GALNT13: variants seen among roughly 807,000 people sequenced by gnomAD.
GALNT13 encodes the protein polypeptide N-acetylgalactosaminyltransferase 13, also known as UDP-GalNAc:polypeptide N-acetylgalactosaminyltransferase 13.
A neutral mutation model predicts 64.2 loss-of-function variants in GALNT13; 28 were observed. That is an observed-to-expected ratio of 0.44 (90% CI 0.32 to 0.60). The LOEUF (loss-of-function observed/expected upper bound fraction) is 0.60. Among genes scored for constraint, GALNT13 ranks in the 20% least tolerant of loss-of-function variants. The pLI, the probability that GALNT13 is intolerant of heterozygous loss-of-function variation, is 0.05. For missense variants in GALNT13, 577 were observed against 669.8 expected (o/e 0.86, Z 1.53); for synonymous variants, 214 against 224.6 (o/e 0.95, Z 0.42).
At chr2:154,369,099 C>G (rs1448444613) in intron 9 of GALNT13, among the ~76,000 whole-genome samples, 1 of 150,374 alleles carries the variant, frequency 6.7e-6, no homozygotes, top group African/African-American at 2.4e-5. Flanking sequence ...AAGTACAATT[C>G]TGGAAAAAAA....
intron 9 of GALNT13, among the ~76,000 whole-genome samples, chr2:154,331,299 T>G (rs1695154888): frequency 6.6e-6 from 1 of 152,028 alleles, no homozygotes. Context: ...TTTTTAACTG[T>G]TCCCCTATGT....
At chr2:153,346,037 C>A in the GALNT13 span, among the ~76,000 whole-genome samples, 1 of 151,980 alleles carries the variant, frequency 6.6e-6, no homozygotes, top group Non-Finnish European at 1.5e-5. Flanking sequence ...TGCAGTGGCG[C>A]GATCTCGGCT....
At chr2:153,958,589 A>T (rs757776826) in intron 3 of GALNT13, among the ~76,000 whole-genome samples, 41 of 152,116 alleles carry the variant, frequency 2.7e-4, no homozygotes, top group Non-Finnish European at 4.6e-4. Context: ...GTCCTCTGGG[A>T]TGCTTGCTGT....
chr2:153,754,836 A>G, the GALNT13 span, among the ~76,000 whole-genome samples: 1 of 152,136 alleles, frequency 6.6e-6, no homozygotes, highest in Non-Finnish European at 1.5e-5. Flanking sequence ...CACAATGGCA[A>G]GGCTTTCAGG....
At chr2:154,181,728 A>G (rs1158903749) in intron 4 of GALNT13, among the ~76,000 whole-genome samples, 1 of 152,082 alleles carries the variant, frequency 6.6e-6, no homozygotes, top group Admixed American at 6.6e-5. Flanking sequence ...ACCTTTACAT[A>G]TCTCTTACAG....
intron 8 of GALNT13, among the ~76,000 whole-genome samples, chr2:154,265,140 TA>T (rs1193012064): frequency 6.6e-6 from 1 of 151,868 alleles, no homozygotes; most frequent in Non-Finnish European, 1.5e-5. Context: ...TACAGATGGC[TA>T]AAAGGATTGG....
At chr2:153,158,897 TG>T in the GALNT13 span, 2 of 152,386 alleles carry the variant, frequency 1.3e-5, no homozygotes, top group African/African-American at 4.8e-5. Flanking sequence ...TTAGTAGTCT[TG>T]GGCTTCTAAC....
At chr2:154,032,576 G>T (rs906172667) in intron 3 of GALNT13, among the ~76,000 whole-genome samples, 133 of 151,902 alleles carry the variant, frequency 8.8e-4, no homozygotes, top group African/African-American at 3.2e-3. Context: ...TGAGAAAATT[G>T]TATTTATCCA....
intron 3 of GALNT13, among the ~76,000 whole-genome samples, chr2:154,047,958 C>T (rs753081387): frequency 6.6e-6 from 1 of 152,170 alleles, no homozygotes; most frequent in Non-Finnish European, 1.5e-5. Flanking sequence ...TCCATTTTCA[C>T]ATTGCTATAA....
At chr2:154,289,081 G>A (rs543736712) in intron 8 of GALNT13, among the ~76,000 whole-genome samples, 2 of 152,302 alleles carry the variant, frequency 1.3e-5, no homozygotes, top group Non-Finnish European at 2.9e-5. Flanking sequence ...CTGAAACCTA[G>A]GCAGAGGTTC....
At chr2:153,634,542 CTTTTTTTTTTTT>C in the GALNT13 span, among the ~76,000 whole-genome samples, 474 of 91,244 alleles carry the variant, frequency 5.2e-3, 4 homozygotes, top group South Asian at 0.01. Flanking sequence ...AGATGGAAAT[CTTTTTTTTTTTT>C]TTTTTTTTTT....
intron 3 of GALNT13, among the ~76,000 whole-genome samples, chr2:154,120,043 T>A (rs1298413275): frequency 6.6e-6 from 1 of 152,192 alleles, no homozygotes; most frequent in East Asian, 1.9e-4. Context: ...TGTGGAGACT[T>A]CCCTCTCTTT....
At chr2:153,214,356 A>G in the GALNT13 span, among the ~76,000 whole-genome samples, 1 of 152,196 alleles carries the variant, frequency 6.6e-6, no homozygotes, top group Non-Finnish European at 1.5e-5. Flanking sequence ...TTCTGTATAG[A>G]AGCACTTTAT....
chr2:153,892,226 A>G (rs1381850054), intron 1 of GALNT13, among the ~76,000 whole-genome samples: 1 of 152,038 alleles, frequency 6.6e-6, no homozygotes, highest in Non-Finnish European at 1.5e-5. Context: ...TAATACAACC[A>G]TTCATTCTAT....
At chr2:153,546,227 A>G in the GALNT13 span, among the ~76,000 whole-genome samples, 39 of 152,358 alleles carry the variant, frequency 2.6e-4, no homozygotes, top group Non-Finnish European at 3.8e-4. Flanking sequence ...TTTAAAATTG[A>G]TAAGTAATTA....
At chr2:153,925,126 C>T (rs1329613624) in intron 2 of GALNT13, among the ~76,000 whole-genome samples, 1 of 152,140 alleles carries the variant, frequency 6.6e-6, no homozygotes, top group Non-Finnish European at 1.5e-5. Flanking sequence ...GACATCTTGG[C>T]CTGTGCCTAT....
the GALNT13 span, among the ~76,000 whole-genome samples, chr2:153,628,829 TG>T: frequency 6.6e-6 from 1 of 152,050 alleles, no homozygotes; most frequent in African/African-American, 2.4e-5. Context: ...TGTCTCTGCC[TG>T]GCTTTGGTAT....
intron 4 of GALNT13, among the ~76,000 whole-genome samples, chr2:154,176,649 T>C (rs1422653728): frequency 6.6e-6 from 1 of 152,142 alleles, no homozygotes; most frequent in East Asian, 1.9e-4. Context: ...ATATTTATTA[T>C]GGATAATGGT....
the GALNT13 span, among the ~76,000 whole-genome samples, chr2:153,439,347 G>C: frequency 1.3e-5 from 2 of 152,288 alleles, no homozygotes; most frequent in South Asian, 2.1e-4. Context: ...CTTCAAAGCT[G>C]TCAGACAGGG....
Sources: gnomAD v4.1 joint callset for allele counts (sites outside exome capture counted in the v4.1 genomes callset) on GRCh38, gnomAD v4.1.1 for gene constraint, MANE v1.5 for transcripts, NCBI Gene and HGNC (gene_info 2026-07-23, HGNC 2026-07-21) for gene names.